S100A7A: variants seen among roughly 807,000 people sequenced by gnomAD.
S100A7A encodes the protein protein S100-A7A.
A neutral mutation model predicts 4.0 loss-of-function variants in S100A7A; 5 were observed. The ratio of observed to expected loss-of-function variants is 1.26; its 90% CI spans 0.66 to 2.66. The LOEUF (loss-of-function observed/expected upper bound fraction) is 2.66. Among genes scored for constraint, S100A7A ranks in the 30% most tolerant of loss-of-function variants. S100A7A has a pLI of 0.01. For missense variants in S100A7A, 159 were observed against 125.1 expected, an observed-to-expected ratio of 1.27 and a Z score of -1.29; for synonymous variants, 52 against 46.4, an observed-to-expected ratio of 1.12 and a Z score of -0.49.
chr1:153,419,191 A>G lies in S100A7A; in HGVS notation c.188A>G (p.Asp63Gly), dbSNP rs761236571. 13 of 1,614,086 alleles carry G rather than the reference A, an allele frequency of 8.1e-6. No individual in the cohort carries two copies. In the South Asian group the frequency reaches 1.3e-4, roughly 16 times the overall value. The change falls in exon 3 of 3, where the codon GAC becomes GGC. Residue 63 changes from aspartate (D) to glycine (G), a missense_variant. By Grantham distance (94) the Asp-to-Gly change is moderately conservative. Transcript: ENST00000368729. ...CTCGCCACTGTCTTTGAGAAAAAGG[A>G]CAAGAATGAGGATAAGAAGATTGAT... ...HYLATVFEKK[D>G]KNEDKKIDFS...
intron 2 of S100A7A, among the ~76,000 whole-genome samples, 168 bp downstream of exon 2, chr1:153,418,391 G>GA (rs1401814812): frequency 1.3e-5 from 2 of 152,280 alleles, no homozygotes; most frequent in Non-Finnish European, 2.9e-5. Flanking sequence ...GATGGTAGGC[G>GA]AAAAAGTATG....
chr1:153,421,289 T>A lies in S100A7A; in HGVS notation c.*1980T>A, dbSNP rs914402676. ...CCACCATCCCTTCACCCCAAAGAAA[T>A]GATCTCTGCTTCATTTGTGCCTCCC... On this transcript the variant is annotated 3_prime_UTR_variant, in exon 3 of 3. Coordinates refer to ENST00000368729, the MANE Select transcript of S100A7A (RefSeq NM_176823.4). 2.0e-5 allele frequency: 3 copies of A among 152,206 alleles called. No individual in the cohort carries two copies. Among genetic ancestry groups the A allele is most frequent in the African/African-American group, 7.2e-5 (3 of 41,446 alleles). The allele number at this position is 152,206 out of a possible 1,614,324, so 9.4% of individuals were successfully genotyped here.
rs1330191420 is a variant in S100A7A at position 153,419,386 on chromosome 1, T to G, written c.*77T>G. ...TCCCACCAGACACTTGCCTTATTTC[T>G]TCTTCTCTTTGGTGACCTACATTGT... is the stretch of plus-strand genomic sequence containing the variant. On this transcript the variant is annotated 3_prime_UTR_variant, in exon 3 of 3. Coordinates refer to ENST00000368729, the MANE Select transcript of S100A7A (RefSeq NM_176823.4). 29 of 1,473,934 alleles carry G rather than the reference T, an allele frequency of 2.0e-5. No homozygotes were observed. In the East Asian group the frequency reaches 6.4e-4, roughly 33 times the overall value. 91.3% of individuals were successfully genotyped at this position (1,473,934 alleles called of 1,614,324 possible).
intron 1 of S100A7A, among the ~76,000 whole-genome samples, chr1:153,416,810 C>A (rs1330537114): frequency 1.2e-4 from 18 of 152,208 alleles, no homozygotes; most frequent in Non-Finnish European, 1.5e-4. Context: ...TGGAAATGTC[C>A]CCAGTGGGAC....
At position 153,421,837 on chromosome 1, in the gene S100A7A, T is replaced by G. The variant is rs1662905540; in HGVS notation, c.*2528T>G. On this transcript the variant is annotated 3_prime_UTR_variant, in exon 3 of 3. Coordinates refer to ENST00000368729, the MANE Select transcript of S100A7A (RefSeq NM_176823.4). ...TTCACCTGATAATATTCCGTCCAAT[T>G]GGCAATGGCACATAAAAATTAGGAT... is the stretch of plus-strand genomic sequence containing the variant. The G allele has an allele frequency of 6.6e-6, 1 of 152,220 alleles. No individual in the cohort carries two copies. Among genetic ancestry groups the G allele is most frequent in the Admixed American group, 6.5e-5 (1 of 15,280 alleles). The allele number at this position is 152,220 out of a possible 1,614,324, so 9.4% of individuals were successfully genotyped here. A position where few individuals can be genotyped will look rare whatever the true frequency, so the allele number is the denominator to read the frequency against.
intron 2 of S100A7A, among the ~76,000 whole-genome samples, chr1:153,418,448 C>T (rs1662797048): frequency 6.6e-6 from 1 of 152,112 alleles, no homozygotes; most frequent in African/African-American, 2.4e-5. Context: ...ATTAGATGGT[C>T]AGCAAAGTGT....
At chr1:153,417,007 AATCTCTGGGCACAG>A (rs1557856741) in intron 1 of S100A7A, among the ~76,000 whole-genome samples, 7 of 152,208 alleles carry the variant, frequency 4.6e-5, no homozygotes, top group African/African-American at 1.7e-4. Context: ...ATTCTCAGTC[AATCTCTGGGCACAG>A]GGCTTGGCCT....
At position 153,420,143 on chromosome 1, in the gene S100A7A, G is replaced by C. The variant is rs1364226150; in HGVS notation, c.*834G>C. 6.6e-6 allele frequency: 1 copy of C among 152,258 alleles called. No individual in the cohort carries two copies. Among genetic ancestry groups the C allele is most frequent in the African/African-American group, 2.4e-5 (1 of 41,460 alleles). The allele number at this position is 152,258 out of a possible 1,614,324, so 9.4% of individuals were successfully genotyped here. The stretch of plus-strand genomic sequence containing the variant: ...GAAATTCTGTAAGGACTGACACAGA[G>C]AGCTCATGCTGACTGTGATGAGAAA... On this transcript the variant is annotated 3_prime_UTR_variant, in exon 3 of 3. Coordinates refer to ENST00000368729, the MANE Select transcript of S100A7A (RefSeq NM_176823.4).
At chr1:153,418,818 G>T (rs183087692) in intron 2 of S100A7A, among the ~76,000 whole-genome samples, 1 of 152,198 alleles carries the variant, frequency 6.6e-6, no homozygotes, top group African/African-American at 2.4e-5. Context: ...GTAGAACTAA[G>T]GTAGGCAGTG....
chr1:153,419,587 C>A lies in S100A7A; in HGVS notation c.*278C>A. On this transcript the variant is annotated 3_prime_UTR_variant, in exon 3 of 3. Coordinates refer to ENST00000368729, the MANE Select transcript of S100A7A (RefSeq NM_176823.4). ...CTGCACCGTTCCCTAAATGCAGCCA[C>A]CTTGGCAGGTTCCAGGTGGAAGTTG... is the stretch of plus-strand genomic sequence containing the variant. 2.3e-6 allele frequency: 1 copy of A among 430,024 alleles called. No homozygotes were observed. The highest frequency in any genetic ancestry group is 4.1e-6 in the Non-Finnish European group (1 of 241,264). 26.6% of individuals were successfully genotyped at this position (430,024 alleles called of 1,614,324 possible). A position where few individuals can be genotyped will look rare whatever the true frequency, so the allele number is the denominator to read the frequency against.
Position 153,419,589 on chromosome 1 carries a change from T to G in S100A7A, c.*280T>G, listed in dbSNP as rs1662842388. On this transcript the variant is annotated 3_prime_UTR_variant, in exon 3 of 3. Coordinates refer to ENST00000368729, the MANE Select transcript of S100A7A (RefSeq NM_176823.4). ...GCACCGTTCCCTAAATGCAGCCACC[T>G]TGGCAGGTTCCAGGTGGAAGTTGGT... is the stretch of plus-strand genomic sequence containing the variant. 3 of 427,012 alleles carry G rather than the reference T, an allele frequency of 7.0e-6. No individual in the cohort carries two copies. The South Asian group carries it at 1.4e-4, about 20-fold the overall frequency. 26.5% of individuals were successfully genotyped at this position (427,012 alleles called of 1,614,324 possible).
rs1298651087 is a variant in S100A7A at position 153,421,929 on chromosome 1, C to G, written c.*2620C>G. On this transcript the variant is annotated 3_prime_UTR_variant, in exon 3 of 3. Coordinates refer to ENST00000368729, the MANE Select transcript of S100A7A (RefSeq NM_176823.4). ...TTTAGAAATCACCTTCTCAAGGGAG[C>G]CTTGTCTAATGTTCCTGAGACTATT... 6.6e-6 allele frequency: 1 copy of G among 152,238 alleles called. No individual in the cohort carries two copies. The highest frequency in any genetic ancestry group is 2.4e-5 in the African/African-American group (1 of 41,462). The allele number at this position is 152,238 out of a possible 1,614,324, so 9.4% of individuals were successfully genotyped here.
Position 153,419,511 on chromosome 1 carries a change from T to A in S100A7A, c.*202T>A. On this transcript the variant is annotated 3_prime_UTR_variant, in exon 3 of 3. Coordinates refer to ENST00000368729, the MANE Select transcript of S100A7A (RefSeq NM_176823.4). ...TGTCCCTCCAGCAACGTTCCCCCTA[T>A]GGCCTCCAGCAGAGCTGATCTGCCT... The A allele has an allele frequency of 1.6e-6, 1 of 622,958 alleles. No homozygotes were observed. The highest frequency in any genetic ancestry group is 3.0e-5 in the Admixed American group (1 of 33,328). 38.6% of individuals were successfully genotyped at this position (622,958 alleles called of 1,614,324 possible). A position where few individuals can be genotyped will look rare whatever the true frequency, so the allele number is the denominator to read the frequency against.
Position 153,419,366 on chromosome 1 carries a change from C to G in S100A7A, c.*57C>G. The G allele has an allele frequency of 1.3e-6, 2 of 1,516,156 alleles. No homozygotes were observed. Among genetic ancestry groups the G allele is most frequent in the Non-Finnish European group, 1.8e-6 (2 of 1,114,056 alleles). 93.9% of individuals were successfully genotyped at this position (1,516,156 alleles called of 1,614,324 possible). ...CAGGAACAATAAGTGTCTCCTCCCA[C>G]CAGACACTTGCCTTATTTCTTCTTC... On this transcript the variant is annotated 3_prime_UTR_variant, in exon 3 of 3. Coordinates refer to ENST00000368729, the MANE Select transcript of S100A7A (RefSeq NM_176823.4).
Position 153,422,415 on chromosome 1 carries a change from T to C in S100A7A, c.*3106T>C. On this transcript the variant is annotated 3_prime_UTR_variant, in exon 3 of 3. Transcript: ENST00000368729. ...AGAATTCAACCTTTGTTCTAACACA[T>C]ACTAGAGCAAGAATTTACTTGATTT... 1.4e-6 allele frequency: 1 copy of C among 712,356 alleles called. No homozygotes were observed. Among genetic ancestry groups the C allele is most frequent in the Non-Finnish European group, 1.7e-6 (1 of 580,536 alleles). The allele number at this position is 712,356 out of a possible 1,614,324, so 44.1% of individuals were successfully genotyped here.
Position 153,423,046 on chromosome 1 carries a change from T to C in S100A7A, c.*3737T>C, listed in dbSNP as rs1453917994. On this transcript the variant is annotated 3_prime_UTR_variant, in exon 3 of 3. Transcript: ENST00000368729. ...TTTTTTAACTAAGTGTGAGATAATA[T>C]CTTATTGTTTTTGTAACTTGCATTT... 1.3e-5 allele frequency: 2 copies of C among 152,124 alleles called. No individual in the cohort carries two copies. The highest frequency in any genetic ancestry group is 4.8e-5 in the African/African-American group (2 of 41,434). The allele number at this position is 152,124 out of a possible 1,614,324, so 9.4% of individuals were successfully genotyped here. A position where few individuals can be genotyped will look rare whatever the true frequency, so the allele number is the denominator to read the frequency against.
At position 153,422,634 on chromosome 1, in the gene S100A7A, G is replaced by A. The variant is rs1441161737; in HGVS notation, c.*3325G>A. 8 of 504,180 alleles carry A rather than the reference G, an allele frequency of 1.6e-5. No individual in the cohort carries two copies. The highest frequency in any genetic ancestry group is 1.0e-3 in the Middle Eastern group (1 of 1,000). 31.2% of individuals were successfully genotyped at this position (504,180 alleles called of 1,614,324 possible). On this transcript the variant is annotated 3_prime_UTR_variant, in exon 3 of 3. Coordinates refer to ENST00000368729, the MANE Select transcript of S100A7A (RefSeq NM_176823.4). ...GCAGTCTCACTCTGTCGCCCGGGCT[G>A]GAGTGCTGTGAGCTGTCCGTGGTGC...
At chr1:153,417,861 G>T in intron 1 of S100A7A, 1 of 561,388 alleles carries the variant, frequency 1.8e-6, no homozygotes. Flanking sequence ...TCTCTTCTTG[G>T]CCCTGGCCAG....
chr1:153,423,159 C>T lies in S100A7A; in HGVS notation c.*3850C>T, dbSNP rs1280496877. 1 of 152,172 alleles carries T rather than the reference C, an allele frequency of 6.6e-6. No individual in the cohort carries two copies. Among genetic ancestry groups the T allele is most frequent in the Non-Finnish European group, 1.5e-5 (1 of 68,020 alleles). The allele number at this position is 152,172 out of a possible 1,614,324, so 9.4% of individuals were successfully genotyped here. A position where few individuals can be genotyped will look rare whatever the true frequency, so the allele number is the denominator to read the frequency against. On this transcript the variant is annotated 3_prime_UTR_variant, in exon 3 of 3. Transcript: ENST00000368729. ...ATTGGATTAAAGAATTACTGCCTCTCACTAGGAGCATCATTTATTTACCAT... is the reference window on the plus strand; with the variant it reads ...ATTGGATTAAAGAATTACTGCCTCTTACTAGGAGCATCATTTATTTACCAT...
Sources: allele counts gnomAD v4.1 joint callset (sites outside exome capture counted in the v4.1 genomes callset), GRCh38; gene constraint gnomAD v4.1.1; transcripts MANE v1.5; gene names NCBI Gene and HGNC (gene_info 2026-07-23, HGNC 2026-07-21).